Variants in CAMK2D observed in about 807,000 individuals in gnomAD.
CAMK2D encodes the protein calcium/calmodulin dependent protein kinase II delta, also known as calcium/calmodulin-dependent protein kinase type II subunit delta.
In CAMK2D, 37 loss-of-function variants were observed where a neutral mutation model predicts 84.0. The ratio of observed to expected loss-of-function variants is 0.44; its 90% confidence interval spans 0.34 to 0.58. CAMK2D has a LOEUF of 0.58. Ranked by LOEUF, CAMK2D falls within the 20% of genes least tolerant of loss-of-function variation. CAMK2D has a pLI of 0.02. For synonymous variants in CAMK2D, 202 were observed against 212.5 expected, an observed-to-expected ratio of 0.95 and a Z score of 0.43; for missense variants, 448 against 652.5, an observed-to-expected ratio of 0.69 and a Z score of 3.41.
At chr4:113,648,878 C>T (rs1185958293) in intron 3 of CAMK2D, among the ~76,000 whole-genome samples, 1 of 152,122 alleles carries the variant, frequency 6.6e-6, no homozygotes, top group Admixed American at 6.5e-5. Context: ...TCTAGTCTTC[C>T]TTTTTTGTCC....
intron 16 of CAMK2D, among the ~76,000 whole-genome samples, chr4:113,487,351 G>A (rs1327628358): frequency 6.6e-6 from 1 of 151,890 alleles, no homozygotes; most frequent in Admixed American, 6.6e-5. Flanking sequence ...TCATGATATA[G>A]ACATATAACT....
chr4:113,648,234 G>A (rs1239397638), intron 3 of CAMK2D, among the ~76,000 whole-genome samples: 1 of 151,952 alleles, frequency 6.6e-6, no homozygotes, highest in East Asian at 1.9e-4. Flanking sequence ...TATTCATCTA[G>A]AATAAAAATT....
chr4:113,616,477 C>A (rs1389923613), intron 3 of CAMK2D, among the ~76,000 whole-genome samples: 3 of 152,090 alleles, frequency 2.0e-5, no homozygotes, highest in Non-Finnish European at 4.4e-5. Flanking sequence ...AATCATTATG[C>A]CTTTTATAAG....
intron 3 of CAMK2D, among the ~76,000 whole-genome samples, chr4:113,627,240 G>A (rs2099071910): frequency 6.6e-6 from 1 of 152,106 alleles, no homozygotes; most frequent in Admixed American, 6.6e-5. Flanking sequence ...CTCTATAAGT[G>A]AAGGTTAATT....
intron 16 of CAMK2D, among the ~76,000 whole-genome samples, chr4:113,471,885 C>G (rs1488752934): frequency 6.6e-6 from 1 of 151,754 alleles, no homozygotes; most frequent in East Asian, 1.9e-4. Context: ...ACTTTTCCTG[C>G]TTTATCTCTT....
chr4:113,504,897 A>C (rs1329418874), intron 14 of CAMK2D, 79 bp downstream of exon 14: 2 of 589,504 alleles, frequency 3.4e-6, no homozygotes, highest in African/African-American at 4.0e-5. Flanking sequence ...GTATCTATAT[A>C]GTGAAAGCAA....
intron 16 of CAMK2D, among the ~76,000 whole-genome samples, chr4:113,467,988 A>C (rs1159050409): frequency 6.6e-6 from 1 of 152,138 alleles, no homozygotes; most frequent in Non-Finnish European, 1.5e-5. Context: ...GATAGGAAAA[A>C]CTACAGTTTA....
intron 16 of CAMK2D, among the ~76,000 whole-genome samples, chr4:113,483,423 G>C (rs989027425): frequency 1.5e-4 from 20 of 132,582 alleles, no homozygotes; most frequent in African/African-American, 5.2e-4. Context: ...TTTTTTTTTT[G>C]AGACAGAGTT....
chr4:113,454,617 G>A (rs1446225831), intron 20 of CAMK2D, 102 bp from the exon 21 acceptor site: 6 of 715,762 alleles, frequency 8.4e-6, no homozygotes, highest in Non-Finnish European at 1.6e-5. Context: ...TTTATAACTT[G>A]GCTAACAAAT....
At chr4:113,703,102 C>A (rs911892538) in intron 2 of CAMK2D, among the ~76,000 whole-genome samples, 5 of 152,040 alleles carry the variant, frequency 3.3e-5, no homozygotes, top group African/African-American at 1.2e-4. Flanking sequence ...TGAATTTGTT[C>A]ATTTAAACAG....
intron 3 of CAMK2D, among the ~76,000 whole-genome samples, chr4:113,614,850 A>G (rs957108127): frequency 3.3e-5 from 5 of 152,198 alleles, no homozygotes; most frequent in African/African-American, 1.2e-4. Context: ...ATTTAGCAGA[A>G]AAAAAGAATG....
chr4:113,552,820 T>C (rs977320455), intron 4 of CAMK2D, among the ~76,000 whole-genome samples: 4 of 152,246 alleles, frequency 2.6e-5, no homozygotes, highest in Non-Finnish European at 4.4e-5. Flanking sequence ...ATTTAAAATT[T>C]TGTAGAGCAG....
chr4:113,474,669 G>T (rs1445977437), intron 16 of CAMK2D, among the ~76,000 whole-genome samples: 1 of 151,892 alleles, frequency 6.6e-6, no homozygotes, highest in African/African-American at 2.4e-5. Flanking sequence ...TTTTTGAGAA[G>T]AAGTTTTGCT....
intron 16 of CAMK2D, among the ~76,000 whole-genome samples, chr4:113,466,124 C>T (rs376567848): frequency 1.3e-5 from 2 of 151,640 alleles, no homozygotes; most frequent in South Asian, 2.1e-4. Context: ...GGCTTGGTGG[C>T]GCATGCCTAT....
chr4:113,526,414 A>ATATGTGTGTG (rs1553930374), intron 8 of CAMK2D, among the ~76,000 whole-genome samples: 4,224 of 149,624 alleles, frequency 0.028, 205 homozygotes, highest in African/African-American at 0.095. Flanking sequence ...GTCATTCTTG[A>ATATGTGTGTG]TGTGTGTGTG....
At chr4:113,465,182 AC>A (rs2097442662) in intron 17 of CAMK2D, among the ~76,000 whole-genome samples, 1 of 152,034 alleles carries the variant, frequency 6.6e-6, no homozygotes, top group Non-Finnish European at 1.5e-5. Context: ...ACAGGTGTGC[AC>A]CACTATGCCT....
chr4:113,471,329 C>T (rs2154118255), intron 16 of CAMK2D, among the ~76,000 whole-genome samples: 1 of 152,278 alleles, frequency 6.6e-6, no homozygotes, highest in East Asian at 1.9e-4. Flanking sequence ...CTCATTCACT[C>T]CTCTGGCTCT....
At chr4:113,547,607 T>G in intron 6 of CAMK2D, 37 bp downstream of exon 6, 1 of 1,329,278 alleles carries the variant, frequency 7.5e-7, no homozygotes, top group Non-Finnish European at 1.0e-6. Context: ...CATTAGGAAC[T>G]GTGTGGTGGT....
At chr4:113,536,836 A>C (rs1417723489) in intron 7 of CAMK2D, among the ~76,000 whole-genome samples, 2 of 152,222 alleles carry the variant, frequency 1.3e-5, no homozygotes, top group Non-Finnish European at 2.9e-5. Flanking sequence ...TGGCATGTTG[A>C]AGACATACAA....
Sources: gnomAD v4.1 joint callset for allele counts (sites outside exome capture counted in the v4.1 genomes callset) on GRCh38, gnomAD v4.1.1 for gene constraint, MANE v1.5 for transcripts, NCBI Gene and HGNC (gene_info 2026-07-23, HGNC 2026-07-21) for gene names.